WDFY3: variants seen among roughly 807,000 people sequenced by gnomAD.
WDFY3 encodes the protein WD repeat and FYVE domain containing 3, also known as WD repeat and FYVE domain-containing protein 3.
Under a neutral mutation model 409.6 loss-of-function variants are expected in WDFY3, and 66 were observed. The ratio of observed to expected loss-of-function variants is 0.16; its 90% CI spans 0.13 to 0.20. The LOEUF (loss-of-function observed/expected upper bound fraction) is 0.20, where lower values mean the gene tolerates loss of function less well. WDFY3 is among the 10% of genes least tolerant of loss of function. The pLI is 1.00. For missense variants in WDFY3, 3,031 were observed against 4,298.1 expected, an observed-to-expected ratio of 0.71 and a Z score of 8.24; for synonymous variants, 1,521 against 1,537.1, an observed-to-expected ratio of 0.99 and a Z score of 0.25.
chr4:84,738,055 G>A (rs985294395), intron 40 of WDFY3, among the ~76,000 whole-genome samples: 3 of 152,060 alleles, frequency 2.0e-5, no homozygotes, highest in Non-Finnish European at 4.4e-5. Context: ...TGGTGTTTAG[G>A]GTTCAAAACA....
chr4:84,740,490 T>A, intron 38 of WDFY3, 74 bp from the exon 39 acceptor site: 1 of 1,419,540 alleles, frequency 7.0e-7, no homozygotes, highest in Admixed American at 1.9e-5. Flanking sequence ...ATACATGAAC[T>A]TTTATTAGGT....
intron 32 of WDFY3, among the ~76,000 whole-genome samples, chr4:84,758,306 G>A (rs1392263390): frequency 3.9e-5 from 6 of 152,172 alleles, no homozygotes; most frequent in Non-Finnish European, 7.3e-5. Flanking sequence ...GAGTACAGTG[G>A]CATGATCGTA....
intron 45 of WDFY3, among the ~76,000 whole-genome samples, chr4:84,725,083 A>G (rs187344299): frequency 6.6e-6 from 1 of 152,328 alleles, no homozygotes; most frequent in East Asian, 1.9e-4. Flanking sequence ...TAGAGACTCA[A>G]CTGGCCTATT....
chr4:84,890,045 A>G (rs1417380265), intron 3 of WDFY3, among the ~76,000 whole-genome samples: 2 of 152,114 alleles, frequency 1.3e-5, no homozygotes, highest in Non-Finnish European at 2.9e-5. Flanking sequence ...ACAGACTCCT[A>G]TGCAAATAGG....
intron 2 of WDFY3, among the ~76,000 whole-genome samples, chr4:84,904,329 C>G (rs927345310): frequency 6.6e-6 from 1 of 152,064 alleles, no homozygotes; most frequent in Non-Finnish European, 1.5e-5. Context: ...CAACCTCCAC[C>G]TCCTGGGTTC....
At chr4:84,796,952 C>T (rs925659048) in intron 18 of WDFY3, among the ~76,000 whole-genome samples, 200 bp from the exon 19 acceptor site, 1 of 152,092 alleles carries the variant, frequency 6.6e-6, no homozygotes, top group Non-Finnish European at 1.5e-5. Flanking sequence ...AAGCAATATG[C>T]ACACTGCAGA....
intron 3 of WDFY3, among the ~76,000 whole-genome samples, chr4:84,866,094 AT>A (rs1003522423): frequency 1.3e-5 from 2 of 152,078 alleles, no homozygotes; most frequent in African/African-American, 4.8e-5. Context: ...AGAATGAATA[AT>A]TTTTTAAACA....
intron 61 of WDFY3, among the ~76,000 whole-genome samples, chr4:84,688,707 T>C (rs1035122890): frequency 1.3e-5 from 2 of 151,102 alleles, no homozygotes; most frequent in South Asian, 4.2e-4. Context: ...TACAATTGAA[T>C]GAATTTTTTT....
At chr4:84,942,992 T>C (rs1772336232) in intron 1 of WDFY3, among the ~76,000 whole-genome samples, 1 of 152,202 alleles carries the variant, frequency 6.6e-6, no homozygotes, top group Non-Finnish European at 1.5e-5. Context: ...GTTTGAACTG[T>C]GTTGTCCAAT....
intron 2 of WDFY3, among the ~76,000 whole-genome samples, chr4:84,919,548 C>CA (rs1359807601): frequency 3.3e-5 from 5 of 152,138 alleles, no homozygotes. Context: ...ATAATCCCCA[C>CA]ATGTCATGGG....
chr4:84,694,633 G>A (rs1045296420), intron 58 of WDFY3, among the ~76,000 whole-genome samples: 1 of 152,140 alleles, frequency 6.6e-6, no homozygotes, highest in African/African-American at 2.4e-5. Context: ...CAAGCATTTT[G>A]CTTTAAAAGT....
intron 2 of WDFY3, among the ~76,000 whole-genome samples, chr4:84,912,075 A>G (rs1384148262): frequency 1.3e-5 from 2 of 152,228 alleles, no homozygotes; most frequent in Non-Finnish European, 2.9e-5. Flanking sequence ...GTATATGGCA[A>G]CAAAATGTGT....
At position 84,753,883 on chromosome 4, in the gene WDFY3, T is replaced by C. The variant is rs773128132; in HGVS notation, c.5560-7A>G. 4 of 1,578,280 alleles carry C rather than the reference T, an allele frequency of 2.5e-6. No homozygotes were observed. Among genetic ancestry groups the C allele is most frequent in the East Asian group, 2.3e-5 (1 of 44,410 alleles). On this transcript the variant is annotated splice_polypyrimidine_tract_variant and splice_region_variant and intron_variant, in intron 34 of 67. Transcript: ENST00000295888. ...CTTCTTCTGATTGCCAAGGCTGTTA[T>C]GGGGACATGAGAGGAAACACTATGT... is the stretch of plus-strand genomic sequence containing the variant.
At chr4:84,877,209 T>C (rs1160854533) in intron 3 of WDFY3, among the ~76,000 whole-genome samples, 2 of 152,188 alleles carry the variant, frequency 1.3e-5, no homozygotes, top group Non-Finnish European at 2.9e-5. Flanking sequence ...ACTGCAGGCC[T>C]CCTTGCTCTG....
At chr4:84,937,352 C>T (rs1464870806) in intron 1 of WDFY3, among the ~76,000 whole-genome samples, 7 of 152,112 alleles carry the variant, frequency 4.6e-5, no homozygotes, top group Admixed American at 3.9e-4. Flanking sequence ...TCCTTGTCAG[C>T]GTTCTTTCCT....
rs1728657114 is a variant in WDFY3 at position 84,688,275 on chromosome 4, A to G, written c.9364-10T>C. The G allele has an allele frequency of 6.2e-7, 1 of 1,609,448 alleles. No individual in the cohort carries two copies. The highest frequency in any genetic ancestry group is 8.5e-7 in the Non-Finnish European group (1 of 1,177,882). ...TGTGGCCCAGTAAGGCCTACGAATG[A>G]GAACAAACAAACAAAATCAGGTTGA... On this transcript the variant is annotated splice_polypyrimidine_tract_variant and intron_variant, in intron 61 of 67. Transcript: ENST00000295888.
At position 84,671,172 on chromosome 4, in the gene WDFY3, C is replaced by G. The variant is rs1725391345; in HGVS notation, c.*1696G>C. 1 of 152,570 alleles carries G rather than the reference C, an allele frequency of 6.6e-6. No individual in the cohort carries two copies. Among genetic ancestry groups the G allele is most frequent in the Non-Finnish European group, 1.5e-5 (1 of 68,022 alleles). The allele number at this position is 152,570 out of a possible 1,614,324, so 9.5% of individuals were successfully genotyped here. On this transcript the variant is annotated 3_prime_UTR_variant, in exon 68 of 68. Coordinates refer to ENST00000295888, the MANE Select transcript of WDFY3 (RefSeq NM_014991.6). ...TGTTCTTAAGCTGGTTTCAGCCCAT[C>G]AGGTACAAGATCACCATTGTACCAA...
chr4:84,779,058 T>G (rs1746055293), intron 26 of WDFY3, among the ~76,000 whole-genome samples: 1 of 152,184 alleles, frequency 6.6e-6, no homozygotes, highest in South Asian at 2.1e-4. Flanking sequence ...ATAAAGTATT[T>G]TTTTTTGCAA....
chr4:84,957,002 T>C (rs928086496), intron 1 of WDFY3, among the ~76,000 whole-genome samples: 22 of 150,430 alleles, frequency 1.5e-4, no homozygotes, highest in African/African-American at 3.7e-4. Flanking sequence ...AAAACCTTTA[T>C]GGAAGAAACC....
Sources: allele counts gnomAD v4.1 joint callset (sites outside exome capture counted in the v4.1 genomes callset), GRCh38; gene constraint gnomAD v4.1.1; transcripts MANE v1.5; gene names NCBI Gene and HGNC (gene_info 2026-07-23, HGNC 2026-07-21).